SETD5: variants seen among roughly 807,000 people sequenced by gnomAD.
The protein encoded by SETD5 is histone-lysine N-methyltransferase SETD5.
SETD5 carries 44 observed loss-of-function variants against 153.3 expected under a neutral mutation model. The ratio of observed to expected loss-of-function variants is 0.29; its 90% CI spans 0.23 to 0.37. The LOEUF is 0.37. Among genes scored for constraint, SETD5 ranks in the 10% least tolerant of loss-of-function variants. The pLI is 1.00. For missense variants in SETD5, 1,544 were observed against 1,768.0 expected (o/e 0.87, Z 2.27); for synonymous variants, 716 against 645.2 (o/e 1.11, Z -1.66).
intron 16 of SETD5, among the ~76,000 whole-genome samples, chr3:9,450,903 A>G (rs532899868): frequency 1.8e-4 from 28 of 152,306 alleles, no homozygotes; most frequent in African/African-American, 6.3e-4. Context: ...TTATTCTGCA[A>G]CTTCTGAAAA....
At chr3:9,438,407 C>G (rs986613290) in intron 7 of SETD5, among the ~76,000 whole-genome samples, 2 of 152,158 alleles carry the variant, frequency 1.3e-5, no homozygotes, top group East Asian at 1.9e-4. Context: ...TAACTTATCT[C>G]CAGAAGCTCG....
chr3:9,420,979 A>C (rs966557342), intron 1 of SETD5, among the ~76,000 whole-genome samples: 1 of 152,194 alleles, frequency 6.6e-6, no homozygotes. Flanking sequence ...ACATATACTT[A>C]AAGGGACCAG....
chr3:9,413,467 C>T (rs2036902269), intron 1 of SETD5, among the ~76,000 whole-genome samples: 2 of 152,094 alleles, frequency 1.3e-5, no homozygotes, highest in Admixed American at 1.3e-4. Flanking sequence ...TTCTCTCTCC[C>T]CCTGACTTTA....
At chr3:9,462,732 C>G (rs1263806724) in intron 17 of SETD5, among the ~76,000 whole-genome samples, 9 of 152,106 alleles carry the variant, frequency 5.9e-5, no homozygotes, top group Admixed American at 5.9e-4. Context: ...AACCCTGTCT[C>G]TACTAAAAAT....
chr3:9,465,813 T>C (rs540082350), intron 18 of SETD5, among the ~76,000 whole-genome samples: 1 of 152,176 alleles, frequency 6.6e-6, no homozygotes, highest in Non-Finnish European at 1.5e-5. Flanking sequence ...AGCCAGATAA[T>C]AAAGCAGCTG....
At chr3:9,423,039 CT>C (rs1559376874) in intron 1 of SETD5, among the ~76,000 whole-genome samples, 1 of 152,236 alleles carries the variant, frequency 6.6e-6, no homozygotes, top group Non-Finnish European at 1.5e-5. Flanking sequence ...GTTTATTGGA[CT>C]TTTGTCTGCC....
At chr3:9,398,650 G>C (rs2034176571) in intron 1 of SETD5, 1 of 152,246 alleles carries the variant, frequency 6.6e-6, no homozygotes, top group Non-Finnish European at 1.5e-5. Context: ...TACTTGCCTT[G>C]GGCGTGGAGA....
chr3:9,452,659 A>ATTTTTTTTTTTTTTTTTTTT (rs1164278885), intron 16 of SETD5, among the ~76,000 whole-genome samples: 1 of 59,810 alleles, frequency 1.7e-5, no homozygotes, highest in Non-Finnish European at 3.2e-5. Context: ...ATGATGTAAG[A>ATTTTTTTTTTTTTTTTTTTT]TTTTTTTTTT....
At chr3:9,431,828 C>G (rs1412663733) in intron 3 of SETD5, 1 of 628,236 alleles carries the variant, frequency 1.6e-6, no homozygotes, top group East Asian at 1.4e-4. Flanking sequence ...TTCCTGTCCC[C>G]CTCCCACCAA....
chr3:9,475,761 C>T lies in SETD5; in HGVS notation c.3999C>T (p.Ser1333=). ...CACATTCTGGAAACAGCACTGGCAG[C>T]AATCTTCCAAGGAGGAGCTGCCCTT... is the stretch of plus-strand genomic sequence containing the variant. The part of the protein sequence containing the change: ...SQPHSGNSTG[S]NLPRRSCPSS... The change falls in exon 23 of 23, where the codon AGC becomes AGT. Residue 1333 remains serine (S), a synonymous_variant. Transcript: ENST00000402198. 6.2e-7 allele frequency: 1 copy of T among 1,614,010 alleles called. No homozygotes were observed. The highest frequency in any genetic ancestry group is 8.5e-7 in the Non-Finnish European group (1 of 1,179,876).
intron 17 of SETD5, 86 bp from the exon 18 acceptor site, chr3:9,464,339 T>C (rs1328600361): frequency 7.2e-6 from 11 of 1,519,534 alleles, no homozygotes; most frequent in Non-Finnish European, 9.8e-6. Flanking sequence ...TTAAGAGCCA[T>C]TGTAGATTAC....
intron 7 of SETD5, among the ~76,000 whole-genome samples, chr3:9,439,973 C>G (rs915927733): frequency 6.6e-6 from 1 of 152,060 alleles, no homozygotes; most frequent in African/African-American, 2.4e-5. Flanking sequence ...ATAAGTGATA[C>G]AAAAACATGC....
intron 1 of SETD5, among the ~76,000 whole-genome samples, chr3:9,408,179 T>A (rs1224964685): frequency 6.6e-6 from 1 of 152,166 alleles, no homozygotes; most frequent in Non-Finnish European, 1.5e-5. Flanking sequence ...TGTGAGACTT[T>A]TAGTCGCTAC....
At chr3:9,402,207 G>C (rs905294450) in intron 1 of SETD5, among the ~76,000 whole-genome samples, 2 of 152,086 alleles carry the variant, frequency 1.3e-5, no homozygotes, top group African/African-American at 2.4e-5. Flanking sequence ...AGTAACTTTG[G>C]GGGGAGGTGC....
Position 9,443,453 on chromosome 3 carries a change from C to T in SETD5, c.1187+36C>T, listed in dbSNP as rs1240631123. The T allele has an allele frequency of 8.0e-6, 9 of 1,126,188 alleles. No individual in the cohort carries two copies. The Admixed American group carries it at 2.2e-4, about 27-fold the overall frequency. 69.8% of individuals were successfully genotyped at this position (1,126,188 alleles called of 1,614,324 possible). A position where few individuals can be genotyped will look rare whatever the true frequency, so the allele number is the denominator to read the frequency against. ...AGAAACCTTTCCTAACAGGAATATC[C>T]ATGTCTTACATATTAAGCTATTCAC... On this transcript the variant is annotated intron_variant, in intron 11 of 22. Transcript: ENST00000402198.
intron 1 of SETD5, among the ~76,000 whole-genome samples, chr3:9,403,910 G>A (rs938195247): frequency 1.3e-5 from 2 of 152,080 alleles, no homozygotes; most frequent in African/African-American, 4.8e-5. Flanking sequence ...TAAATGTTTT[G>A]CGTCAGTTCT....
At position 9,470,736 on chromosome 3, in the gene SETD5, G is replaced by A. The variant is rs369238798; in HGVS notation, c.3002G>A (p.Arg1001Gln). Residue 1001 changes from arginine (R) to glutamine (Q), a missense_variant, in exon 19 of 23, where the codon CGA (arginine) becomes CAA (glutamine). Arg to Gln is a conservative substitution (Grantham distance 43). This residue lies in a region of SETD5 where 782 missense variants were observed against 787.2 expected (regional missense o/e 0.99). Transcript: ENST00000402198. Reference protein sequence around the residue: ...NAMPRADGLYRGSPLVGDRKP... With the variant: ...NAMPRADGLYQGSPLVGDRKP... ...ATGCCTCGAGCAGATGGACTGTATC[G>A]AGGATCTCCTCTAGTGGGGGATAGG... 6.8e-6 allele frequency: 11 copies of A among 1,613,960 alleles called. No individual in the cohort carries two copies. The highest frequency in any genetic ancestry group is 2.7e-5 in the African/African-American group (2 of 75,026).
At chr3:9,474,652 T>C in intron 21 of SETD5, 70 bp downstream of exon 21, 1 of 1,566,978 alleles carries the variant, frequency 6.4e-7, no homozygotes, top group South Asian at 1.2e-5. Context: ...AGTTCATGCC[T>C]AGTGCTGAGT....
intron 17 of SETD5, among the ~76,000 whole-genome samples, chr3:9,456,956 TAG>T (rs2043324757): frequency 6.7e-6 from 1 of 150,340 alleles, no homozygotes; most frequent in Non-Finnish European, 1.5e-5. Context: ...AGCCTGGCAA[TAG>T]AGTGAGACTC....
Sources: gnomAD v4.1 joint callset for allele counts (sites outside exome capture counted in the v4.1 genomes callset) on GRCh38, gnomAD v4.1.1 for gene constraint, gnomAD v4.1.1 regional missense constraint, MANE v1.5 for transcripts, NCBI Gene and HGNC (gene_info 2026-07-23, HGNC 2026-07-21) for gene names.